Variants in PSD3 observed in about 807,000 individuals in gnomAD.
PSD3 encodes the protein PH and SEC7 domain-containing protein 3.
Under a neutral mutation model 105.5 loss-of-function variants are expected in PSD3, and 49 were observed. That is an observed-to-expected ratio of 0.46 (90% confidence interval 0.37 to 0.59). The LOEUF is 0.59. PSD3 is among the 20% of genes least tolerant of loss of function. PSD3 has a pLI of 0.00. For synonymous variants in PSD3, 557 were observed against 457.8 expected, an observed-to-expected ratio of 1.22 and a Z score of -2.77; for missense variants, 1,561 against 1,263.8, an observed-to-expected ratio of 1.24 and a Z score of -3.57.
intron 9 of PSD3, among the ~76,000 whole-genome samples, chr8:18,723,503 T>G (rs1803139301): frequency 6.6e-6 from 1 of 152,188 alleles, no homozygotes; most frequent in African/African-American, 2.4e-5. Context: ...GAAGATCAAT[T>G]AAATGCTTAG....
intron 1 of PSD3, among the ~76,000 whole-genome samples, chr8:19,045,786 C>A (rs557447825): frequency 6.6e-6 from 1 of 152,286 alleles, no homozygotes; most frequent in South Asian, 2.1e-4. Context: ...ATTTGTGGGT[C>A]ACCTCCTAGG....
intron 1 of PSD3, among the ~76,000 whole-genome samples, chr8:18,978,237 G>A (rs1277650472): frequency 2.0e-5 from 3 of 152,218 alleles, no homozygotes; most frequent in South Asian, 2.1e-4. Context: ...ACGTCCACAC[G>A]CTGGGTTTCA....
At chr8:18,724,432 C>T (rs1031297048) in intron 9 of PSD3, among the ~76,000 whole-genome samples, 18 of 151,896 alleles carry the variant, frequency 1.2e-4, no homozygotes, top group African/African-American at 4.1e-4. Flanking sequence ...GGCAACATAG[C>T]GAGACCCCCA....
intron 8 of PSD3, among the ~76,000 whole-genome samples, chr8:18,789,264 T>G (rs1393657503): frequency 6.6e-6 from 1 of 152,138 alleles, no homozygotes; most frequent in East Asian, 1.9e-4. Flanking sequence ...AAATATACAG[T>G]AGAGTTTTCT....
intron 4 of PSD3, among the ~76,000 whole-genome samples, chr8:18,866,963 G>A (rs1816986897): frequency 6.6e-6 from 1 of 151,898 alleles, no homozygotes; most frequent in Admixed American, 6.6e-5. Context: ...GATAACCTGA[G>A]GATGACGAGC....
At chr8:18,591,472 T>A (rs1803599631) in intron 12 of PSD3, among the ~76,000 whole-genome samples, 1 of 152,118 alleles carries the variant, frequency 6.6e-6, no homozygotes, top group African/African-American at 2.4e-5. Context: ...AGCTTCTACT[T>A]TGGGAGGGCT....
intron 2 of PSD3, among the ~76,000 whole-genome samples, chr8:18,921,937 C>A (rs1821048782): frequency 6.6e-6 from 1 of 152,156 alleles, no homozygotes; most frequent in Admixed American, 6.5e-5. Flanking sequence ...GCAACAGAAG[C>A]TTCAAGTCTG....
At chr8:18,650,427 C>A (rs1398457079) in intron 10 of PSD3, among the ~76,000 whole-genome samples, 2 of 152,204 alleles carry the variant, frequency 1.3e-5, no homozygotes, top group African/African-American at 4.8e-5. Flanking sequence ...AGTAGGTCAA[C>A]AAATAGATGC....
At chr8:18,906,555 T>C (rs747124342) in intron 2 of PSD3, among the ~76,000 whole-genome samples, 1 of 152,202 alleles carries the variant, frequency 6.6e-6, no homozygotes, top group Admixed American at 6.5e-5. Context: ...CTGCCATGTA[T>C]ATGAGGGGCA....
intron 11 of PSD3, among the ~76,000 whole-genome samples, chr8:18,622,651 T>A (rs1032832688): frequency 3.3e-5 from 5 of 152,248 alleles, no homozygotes; most frequent in Admixed American, 6.5e-5. Context: ...TTTTTACATA[T>A]GAATGGTGAA....
intron 1 of PSD3, among the ~76,000 whole-genome samples, chr8:19,070,668 A>ACTC (rs1220926640): frequency 6.6e-6 from 1 of 152,096 alleles, no homozygotes; most frequent in Non-Finnish European, 1.5e-5. Context: ...AGAAAGTGAG[A>ACTC]CTCTGTCTCA....
In PSD3 at chr8:18,776,261, TATATATATATAATGTATAA is replaced by T. The variant is rs200437764; in HGVS notation, c.2083-10742_2083-10724del. The stretch of plus-strand genomic sequence containing the variant: ...GTTACCATGGCTCTCTCTCTCTCTC[TATATATATATAATGTATAA>T]ATATATATATAATGTATAAATATAT... On this transcript the variant is annotated intron_variant, in intron 8 of 15. Coordinates refer to ENST00000327040, the MANE Select transcript of PSD3 (RefSeq NM_015310.4). 2.8e-3 allele frequency among the ~76,000 whole-genome samples: 391 copies of T among 141,804 alleles called. 3 individuals are homozygous for T. The highest frequency in any genetic ancestry group is 7.7e-3 in the African/African-American group (277 of 35,830). The allele number at this position is 141,804 out of a possible 152,430, so 93.0% of individuals were successfully genotyped here.
chr8:19,008,742 G>A (rs75705474), intron 1 of PSD3, among the ~76,000 whole-genome samples: 3,004 of 152,244 alleles, frequency 0.02, 110 homozygotes, highest in African/African-American at 0.069. Context: ...CAAGCTGCTC[G>A]ATTTCTATAA....
At chr8:18,764,165 T>C (rs1806777058) in intron 9 of PSD3, among the ~76,000 whole-genome samples, 1 of 152,196 alleles carries the variant, frequency 6.6e-6, no homozygotes, top group Non-Finnish European at 1.5e-5. Context: ...AATTTTCCTG[T>C]CAACTTTCAT....
At chr8:18,595,937 C>T (rs750646758) in intron 12 of PSD3, among the ~76,000 whole-genome samples, 2 of 152,026 alleles carry the variant, frequency 1.3e-5, no homozygotes, top group African/African-American at 4.8e-5. Flanking sequence ...TTCCACTCAA[C>T]AGCATGAGAA....
chr8:18,774,120 G>C (rs956869676), intron 8 of PSD3, among the ~76,000 whole-genome samples: 4 of 151,970 alleles, frequency 2.6e-5, no homozygotes, highest in Non-Finnish European at 4.4e-5. Flanking sequence ...CTTTTGTATA[G>C]TCCTGAAGAT....
At chr8:18,916,133 A>G (rs1308596149) in intron 2 of PSD3, among the ~76,000 whole-genome samples, 1 of 151,628 alleles carries the variant, frequency 6.6e-6, no homozygotes, top group Non-Finnish European at 1.5e-5. Context: ...TAGAACTACC[A>G]TATGATCCAG....
At chr8:18,743,196 C>T (rs575387268) in intron 9 of PSD3, among the ~76,000 whole-genome samples, 50 of 152,074 alleles carry the variant, frequency 3.3e-4, no homozygotes, top group African/African-American at 9.9e-4. Context: ...AGAATAACAG[C>T]GAAAAAAGCA....
chr8:18,703,986 A>G (rs998108343), intron 9 of PSD3, among the ~76,000 whole-genome samples: 1 of 152,214 alleles, frequency 6.6e-6, no homozygotes, highest in East Asian at 1.9e-4. Context: ...AAAGGGAAAA[A>G]AAAGAAAAAA....
Sources: gnomAD v4.1 joint callset for allele counts (sites outside exome capture counted in the v4.1 genomes callset) on GRCh38, gnomAD v4.1.1 for gene constraint, MANE v1.5 for transcripts, NCBI Gene and HGNC (gene_info 2026-07-23, HGNC 2026-07-21) for gene names.